Variants in TRIM6 observed in about 807,000 individuals in gnomAD.
TRIM6 encodes tripartite motif-containing protein 6.
Under a neutral mutation model 51.2 loss-of-function variants are expected in TRIM6, and 43 were observed. That is an observed-to-expected ratio of 0.84 (90% confidence interval 0.66 to 1.08). The LOEUF (loss-of-function observed/expected upper bound fraction) is 1.08, where lower values mean the gene tolerates loss of function less well. Among genes scored for constraint, TRIM6 ranks in the 50% least tolerant of loss-of-function variants. The pLI is 0.00. For synonymous variants in TRIM6, 215 were observed against 232.4 expected (o/e 0.93, Z 0.68); for missense variants, 669 against 619.0 (o/e 1.08, Z -0.86).
At chr11:5,605,607 A>G in intron 4 of TRIM6, 40 bp downstream of exon 4, 1 of 1,569,792 alleles carries the variant, frequency 6.4e-7, no homozygotes, top group Non-Finnish European at 8.6e-7. Context: ...GAGTCAAGGA[A>G]AAGAGAAACT....
upstream of TRIM6, chr11:5,596,296 G>A (rs1296695064): frequency 6.5e-6 from 1 of 154,464 alleles, no homozygotes; most frequent in Non-Finnish European, 1.4e-5. Flanking sequence ...AAGAATGAGG[G>A]AGACTTCTGC....
rs1564872896 is a variant in TRIM6, at chr11:5,611,836, A to AGGT, written c.*497_*499dup. The AGGT allele has an allele frequency of 1.3e-5, 2 of 153,958 alleles. No individual in the cohort carries two copies. The highest frequency in any genetic ancestry group is 2.9e-5 in the Non-Finnish European group (2 of 69,188). The allele number at this position is 153,958 out of a possible 1,614,324, so 9.5% of individuals were successfully genotyped here. On this transcript the variant is annotated 3_prime_UTR_variant, in exon 8 of 8. Coordinates refer to ENST00000380097, the MANE Select transcript of TRIM6 (RefSeq NM_001003818.3). ...CATCTTTGACTGATGACAGGTCTTG[A>AGGT]GGTGGATAGGGGGCGCTTTCAGTAT...
chr11:5,609,645 A>G (rs545815994), intron 5 of TRIM6, among the ~76,000 whole-genome samples: 26 of 152,304 alleles, frequency 1.7e-4, no homozygotes, highest in African/African-American at 5.3e-4. Context: ...AATCTTGGAC[A>G]GGCGCAGTGA....
At chr11:5,605,063 G>A (rs1434081981) in intron 3 of TRIM6, 5 of 512,526 alleles carry the variant, frequency 9.8e-6, no homozygotes, top group Non-Finnish European at 1.8e-5. Flanking sequence ...CAGAGGTGAG[G>A]GAGGCTTCCT....
intron 1 of TRIM6, among the ~76,000 whole-genome samples, chr11:5,598,097 T>A (rs76467179): frequency 6.6e-6 from 1 of 152,318 alleles, no homozygotes; most frequent in East Asian, 1.9e-4. Context: ...TTTGATGCAC[T>A]GGGCTCTGGG....
At chr11:5,601,560 T>C (rs4910824) in intron 1 of TRIM6, among the ~76,000 whole-genome samples, 97,785 of 151,810 alleles carry the variant, frequency 0.64, 31,589 homozygotes, top group Middle Eastern at 0.81. Context: ...GAGTTCGAGA[T>C]CAGCCTGGCC....
At chr11:5,610,107 T>C in intron 5 of TRIM6, 38 bp from the exon 6 acceptor site, 1 of 1,611,480 alleles carries the variant, frequency 6.2e-7, no homozygotes, top group Non-Finnish European at 8.5e-7. Context: ...GAACCCACAG[T>C]CAGCAGTGTG....
chr11:5,604,710 C>T, intron 3 of TRIM6, 81 bp downstream of exon 3: 3 of 1,431,952 alleles, frequency 2.1e-6, no homozygotes, highest in East Asian at 4.7e-5. Flanking sequence ...GAGTCCTTGT[C>T]CTGTCTGTCC....
intron 1 of TRIM6, among the ~76,000 whole-genome samples, chr11:5,598,109 C>T (rs956119362): frequency 6.6e-6 from 1 of 152,160 alleles, no homozygotes; most frequent in African/African-American, 2.4e-5. Flanking sequence ...GGCTCTGGGA[C>T]TGCAGGCTCT....
At chr11:5,598,731 ACAGT>A (rs1283624124) in intron 1 of TRIM6, among the ~76,000 whole-genome samples, 6 of 152,222 alleles carry the variant, frequency 3.9e-5, no homozygotes, top group Non-Finnish European at 7.3e-5. Context: ...GTTTGACAAC[ACAGT>A]TCCATTATGC....
At position 5,596,750 on chromosome 11, in the gene TRIM6, C is replaced by A; in HGVS notation, c.-148C>A. 8.0e-7 allele frequency: 1 copy of A among 1,244,330 alleles called. No homozygotes were observed. The allele number at this position is 1,244,330 out of a possible 1,614,324, so 77.1% of individuals were successfully genotyped here. A position where few individuals can be genotyped will look rare whatever the true frequency, so the allele number is the denominator to read the frequency against. On this transcript the variant is annotated 5_prime_UTR_variant, in exon 1 of 8. Coordinates refer to ENST00000380097, the MANE Select transcript of TRIM6 (RefSeq NM_001003818.3). The stretch of plus-strand genomic sequence containing the variant: ...CTGCCTTTCTCGGAACGGAACGGAG[C>A]AGAGTCGTGCGTGGTTGAGTTTAGA...
rs3751006 is a variant in TRIM6, at chr11:5,604,617, A to G, written c.591A>G (p.Lys197=). The G allele has an allele frequency of 0.63, 1,018,097 of 1,611,252 alleles. 324,704 individuals carry two copies. The highest frequency in any genetic ancestry group is 0.76 in the East Asian group (34,124 of 44,768). Residue 197 remains lysine, a synonymous_variant, in exon 3 of 8, where the codon AAA becomes AAG. Transcript: ENST00000380097. ...TAACAGCTTTTATCAGAGAGAAGAA[A>G]ACATCCTGGAAGGCAAGGGAGACTT... ...EKLTAFIREK[K]TSWKNQMEPE... is the part of the protein sequence containing the mutation.
At chr11:5,596,562 T>TTCCCCCTTCCCCC, upstream of TRIM6, 1 of 65,750 alleles carries the variant, frequency 1.5e-5, no homozygotes, top group African/African-American at 6.9e-5. Flanking sequence ...CCCCTTCCCC[T>TTCCCCCTTCCCCC]CCCCCATCTC....
chr11:5,611,419 G>A lies in TRIM6; in HGVS notation c.*77G>A. 8.5e-7 allele frequency: 1 copy of A among 1,182,954 alleles called. No individual in the cohort carries two copies. Among genetic ancestry groups the A allele is most frequent in the Non-Finnish European group, 1.2e-6 (1 of 829,664 alleles). The allele number at this position is 1,182,954 out of a possible 1,614,324, so 73.3% of individuals were successfully genotyped here. On this transcript the variant is annotated 3_prime_UTR_variant, in exon 8 of 8. Coordinates refer to ENST00000380097, the MANE Select transcript of TRIM6 (RefSeq NM_001003818.3). ...ATGTGATTCTCCCTTCTGATCTTCT[G>A]TTTTTCTGTGTTCTCAATTCTTTTG... is the stretch of plus-strand genomic sequence containing the variant.
upstream of TRIM6, among the ~76,000 whole-genome samples, chr11:5,596,351 A>G (rs1437110466): frequency 1.3e-5 from 2 of 151,996 alleles, no homozygotes; most frequent in African/African-American, 4.8e-5. Context: ...CAGAAGAGGC[A>G]CCTTTGCAGC....
At chr11:5,607,855 A>T (rs191047999) in intron 4 of TRIM6, among the ~76,000 whole-genome samples, 3 of 152,306 alleles carry the variant, frequency 2.0e-5, no homozygotes, top group Admixed American at 2.0e-4. Context: ...TCATAAGGAA[A>T]GGGGGCTGAG....
rs763199866 is a variant in TRIM6, at chr11:5,611,286, T to C, written c.1495T>C (p.Tyr499His). ...TTACTTTCCCACTACTCTTTGTCCA[T>C]ATTTTAATCCTTGCAACTGTGTAAT... ...KYYFPTTLCPYFNPCNCVIPM... is the reference protein window; with the variant it reads ...KYYFPTTLCPHFNPCNCVIPM... The change falls in exon 8 of 8, where the codon TAT becomes CAT. Residue 499 changes from tyrosine to histidine, a missense_variant. Transcript: ENST00000380097. 10 of 1,614,180 alleles carry C rather than the reference T, an allele frequency of 6.2e-6. No homozygotes were observed. The Admixed American group carries it at 1.5e-4, about 24-fold the overall frequency.
In TRIM6 at chr11:5,611,113, G is replaced by A; in HGVS notation, c.1322G>A (p.Arg441Lys). 1.9e-6 allele frequency: 3 copies of A among 1,614,112 alleles called. No individual in the cohort carries two copies. Among genetic ancestry groups the A allele is most frequent in the Non-Finnish European group, 1.7e-6 (2 of 1,180,014 alleles). The change falls in exon 8 of 8, where the codon AGG becomes AAG. Residue 441 changes from arginine (R) to lysine (K), a missense_variant. Physicochemically the swap from Arg to Lys is conservative, Grantham distance 26. Coordinates refer to ENST00000380097, the MANE Select transcript of TRIM6 (RefSeq NM_001003818.3). Reference sequence around the variant, plus strand: ...GGGTTACAGCATAACCATGAATATAGGGCCTATGAGGATTCTTCCCCTTCC... The same window carrying A: ...GGGTTACAGCATAACCATGAATATAAGGCCTATGAGGATTCTTCCCCTTCC... ...VIGLQHNHEY[R>K]AYEDSSPSLL...
chr11:5,601,001 A>G (rs1218042018), intron 1 of TRIM6, among the ~76,000 whole-genome samples: 1 of 152,084 alleles, frequency 6.6e-6, no homozygotes, highest in Non-Finnish European at 1.5e-5. Flanking sequence ...TTTATCAACA[A>G]CTCTTCCAAG....
Sources: allele counts gnomAD v4.1 joint callset (sites outside exome capture counted in the v4.1 genomes callset), GRCh38; gene constraint gnomAD v4.1.1; transcripts MANE v1.5; gene names NCBI Gene and HGNC (gene_info 2026-07-23, HGNC 2026-07-21).